BCL11A: variants seen among roughly 807,000 people sequenced by gnomAD.
BCL11A encodes the protein BCL11 transcription factor A.
Under a neutral mutation model 55.9 loss-of-function variants are expected in BCL11A, and 2 were observed. That is an observed-to-expected ratio of 0.04 (90% CI 0.01 to 0.11). The LOEUF is 0.11. Among genes scored for constraint, BCL11A ranks in the 10% least tolerant of loss-of-function variants. The pLI, the probability that BCL11A is intolerant of heterozygous loss-of-function variation, is 1.00. For missense variants in BCL11A, 817 were observed against 1,137.1 expected (o/e 0.72, Z 4.05); for synonymous variants, 465 against 473.4 (o/e 0.98, Z 0.23).
intron 2 of BCL11A, among the ~76,000 whole-genome samples, chr2:60,505,264 G>C (rs895649829): frequency 2.6e-5 from 4 of 152,352 alleles, no homozygotes; most frequent in African/African-American, 7.2e-5. Context: ...GAAAAGAAGG[G>C]ACGGATACTC....
At chr2:60,518,343 T>TCC (rs1342267409) in intron 2 of BCL11A, among the ~76,000 whole-genome samples, 121 of 152,316 alleles carry the variant, frequency 7.9e-4, no homozygotes, top group African/African-American at 2.3e-3. Flanking sequence ...ACCAGTGTGT[T>TCC]ACAGCCTGTC....
At chr2:60,487,237 C>T (rs1678332612) in intron 2 of BCL11A, among the ~76,000 whole-genome samples, 1 of 152,126 alleles carries the variant, frequency 6.6e-6, no homozygotes, top group African/African-American at 2.4e-5. Context: ...CTATAAAACT[C>T]CCTAACCTAT....
chr2:60,501,505 CTTT>C (rs11366853), intron 2 of BCL11A, among the ~76,000 whole-genome samples: 7 of 119,696 alleles, frequency 5.8e-5, no homozygotes, highest in African/African-American at 6.3e-5. Context: ...ACACCGCTTT[CTTT>C]TTTTTTTTTT....
At chr2:60,553,137 CT>C in intron 1 of BCL11A, 78 bp downstream of exon 1, 1 of 1,443,338 alleles carries the variant, frequency 6.9e-7, no homozygotes, top group Non-Finnish European at 9.4e-7. Flanking sequence ...ACACCCCTCT[CT>C]CCCCCTCGCT....
chr2:60,510,411 A>G (rs1458496915), intron 2 of BCL11A, among the ~76,000 whole-genome samples: 1 of 152,018 alleles, frequency 6.6e-6, no homozygotes, highest in Non-Finnish European at 1.5e-5. Context: ...CAAAATTCTC[A>G]TGGCCAACTT....
At chr2:60,507,566 G>A (rs753605812) in intron 2 of BCL11A, among the ~76,000 whole-genome samples, 18 of 152,068 alleles carry the variant, frequency 1.2e-4, no homozygotes, top group Admixed American at 2.0e-4. Context: ...ACAGGCAAGG[G>A]GAAGAACTGT....
At chr2:60,467,948 ATGGTACTGGTG>A (rs1305171595) in intron 3 of BCL11A, among the ~76,000 whole-genome samples, 62 of 69,166 alleles carry the variant, frequency 9.0e-4, no homozygotes, top group Non-Finnish European at 1.4e-3. Context: ...GGTGGTGGTG[ATGGTACTGGTG>A]GTGATGGTGG....
chr2:60,552,013 G>A (rs1671674951), intron 1 of BCL11A, among the ~76,000 whole-genome samples: 1 of 152,082 alleles, frequency 6.6e-6, no homozygotes, highest in South Asian at 2.1e-4. Flanking sequence ...CCAAAAAATA[G>A]TAAGAGGAGG....
At chr2:60,512,166 C>T (rs1439800839) in intron 2 of BCL11A, among the ~76,000 whole-genome samples, 3 of 152,212 alleles carry the variant, frequency 2.0e-5, no homozygotes, top group Non-Finnish European at 4.4e-5. Context: ...GTGCTCACCA[C>T]CCCTGGAGAG....
chr2:60,521,036 G>A (rs911658110), intron 2 of BCL11A, among the ~76,000 whole-genome samples: 1 of 151,252 alleles, frequency 6.6e-6, no homozygotes, highest in Non-Finnish European at 1.5e-5. Flanking sequence ...AAATGGAGAG[G>A]AAAGGAAAAG....
At position 60,460,977 on chromosome 2, in the gene BCL11A, G is replaced by C. The variant is rs148699996; in HGVS notation, c.1935C>G (p.Pro645=). ...TCTCCGTGTTGGGCATCGCGGCCGG[G>C]GGCAGGTCGAACTCCTTCTCGAGCT... is the stretch of plus-strand genomic sequence containing the variant. The part of the protein sequence containing the change: ...RIKLEKEFDL[P]PAAMPNTENV... Residue 645 remains proline (P), a synonymous_variant, in exon 4 of 4, where the codon CCC becomes CCG. Coordinates refer to ENST00000642384, the MANE Select transcript of BCL11A (RefSeq NM_022893.4). 1 of 1,610,018 alleles carries C rather than the reference G, an allele frequency of 6.2e-7. No individual in the cohort carries two copies. The highest frequency in any genetic ancestry group is 8.5e-7 in the Non-Finnish European group (1 of 1,177,856).
At chr2:60,509,212 G>C (rs1181247046) in intron 2 of BCL11A, among the ~76,000 whole-genome samples, 1 of 152,238 alleles carries the variant, frequency 6.6e-6, no homozygotes, top group Non-Finnish European at 1.5e-5. Flanking sequence ...GGCTGGCTTG[G>C]ATGTTATGAG....
chr2:60,470,663 G>C (rs996024685), intron 2 of BCL11A, among the ~76,000 whole-genome samples: 1 of 152,110 alleles, frequency 6.6e-6, no homozygotes, highest in Non-Finnish European at 1.5e-5. Flanking sequence ...CTAGCCCCTC[G>C]CATGAATCTC....
intron 2 of BCL11A, chr2:60,483,951 T>C (rs1403862992): frequency 2.6e-5 from 4 of 152,154 alleles, no homozygotes; most frequent in Non-Finnish European, 5.9e-5. Context: ...TAGCTTCTGT[T>C]AAAAATCAGA....
At position 60,461,042 on chromosome 2, in the gene BCL11A, C is replaced by T; in HGVS notation, c.1870G>A (p.Gly624Ser). Residue 624 changes from glycine (G) to serine (S), a missense_variant, in exon 4 of 4, where the codon GGC (glycine) becomes AGC (serine). Gly to Ser is a moderately conservative substitution (Grantham distance 56). Coordinates refer to ENST00000642384, the MANE Select transcript of BCL11A (RefSeq NM_022893.4). ...SGGLSKKLLL[G>S]SPSSLSPFSK... The stretch of plus-strand genomic sequence containing the variant: ...AAGGGGCTCAGCGAGCTGGGGCTGC[C>T]CAGCAGCAGCTTTTTGGACAGGCCC... The T allele has an allele frequency of 6.2e-7, 1 of 1,606,892 alleles. No homozygotes were observed. The highest frequency in any genetic ancestry group is 8.5e-7 in the Non-Finnish European group (1 of 1,175,962).
chr2:60,473,445 C>T (rs183438746), intron 2 of BCL11A, among the ~76,000 whole-genome samples: 9 of 152,184 alleles, frequency 5.9e-5, no homozygotes, highest in Admixed American at 4.6e-4. Context: ...GTCCATAATC[C>T]TCAAGTCCCT....
At chr2:60,476,247 G>A (rs903243265) in intron 2 of BCL11A, among the ~76,000 whole-genome samples, 5 of 152,184 alleles carry the variant, frequency 3.3e-5, no homozygotes, top group African/African-American at 7.2e-5. Flanking sequence ...AACCTCCTGG[G>A]ACACAGTCTT....
intron 3 of BCL11A, among the ~76,000 whole-genome samples, chr2:60,467,940 T>A (rs1676927837): frequency 7.3e-6 from 1 of 136,210 alleles, no homozygotes; most frequent in African/African-American, 2.7e-5. Flanking sequence ...GTGATGGTGG[T>A]GGTGGTGATG....
chr2:60,544,052 C>T (rs1670045370), intron 2 of BCL11A: 1 of 152,172 alleles, frequency 6.6e-6, no homozygotes, highest in Non-Finnish European at 1.5e-5. Flanking sequence ...GGCCTTCCCC[C>T]CAGCATTTAG....
Sources: gnomAD v4.1 joint callset for allele counts (sites outside exome capture counted in the v4.1 genomes callset) on GRCh38, gnomAD v4.1.1 for gene constraint, MANE v1.5 for transcripts, NCBI Gene and HGNC (gene_info 2026-07-23, HGNC 2026-07-21) for gene names.